Variants in TRAF2 observed in about 807,000 individuals in gnomAD.
TRAF2 encodes the protein TNF receptor-associated factor 2.
TRAF2 carries 6 observed loss-of-function variants against 55.6 expected under a neutral mutation model. The observed-to-expected ratio is 0.11, with a 90% CI of 0.06 to 0.21. The LOEUF (loss-of-function observed/expected upper bound fraction) is 0.21. Ranked by LOEUF, TRAF2 falls within the 10% of genes least tolerant of loss-of-function variation. The probability of loss-of-function intolerance (pLI) is 1.00; values close to 1 mark genes in which losing one functional copy is unlikely to be tolerated. For missense variants in TRAF2, 561 were observed against 684.5 expected (o/e 0.82, Z 2.01); for synonymous variants, 329 against 276.3 (o/e 1.19, Z -1.89).
intron 7 of TRAF2, among the ~76,000 whole-genome samples, chr9:136,919,295 C>CTT (rs34390498): frequency 0.66 from 59,222 of 90,074 alleles, 20,820 homozygotes; most frequent in African/African-American, 0.77. Context: ...TTGTGGGTGG[C>CTT]TTTTTTTTTT....
At chr9:136,909,065 T>A (rs564979096) in intron 5 of TRAF2, among the ~76,000 whole-genome samples, 161 of 151,912 alleles carry the variant, frequency 1.1e-3, no homozygotes, top group African/African-American at 3.4e-3. Context: ...AAAAAATTTT[T>A]AAAAAAAGTT....
At chr9:136,902,430 C>G (rs1372741996) in intron 4 of TRAF2, 1 of 152,378 alleles carries the variant, frequency 6.6e-6, no homozygotes, top group Non-Finnish European at 1.5e-5. Flanking sequence ...GCACTGGACC[C>G]TGAGTCCTCT....
At chr9:136,915,794 TTTTG>T (rs1423408736) in intron 6 of TRAF2, among the ~76,000 whole-genome samples, 2 of 152,086 alleles carry the variant, frequency 1.3e-5, no homozygotes, top group South Asian at 4.1e-4. Context: ...TGTTTTTGGT[TTTTG>T]TTTGTTTTGG....
chr9:136,892,381 G>A (rs1218207008), intron 1 of TRAF2, among the ~76,000 whole-genome samples: 7 of 151,078 alleles, frequency 4.6e-5, no homozygotes, highest in Non-Finnish European at 8.9e-5. Flanking sequence ...GGAGAATGGC[G>A]TGAACCTGGG....
intron 1 of TRAF2, among the ~76,000 whole-genome samples, chr9:136,889,927 C>A (rs537344448): frequency 6.6e-6 from 1 of 152,152 alleles, no homozygotes; most frequent in African/African-American, 2.4e-5. Flanking sequence ...CATGCTTGTT[C>A]AGCTCGTCAC....
intron 6 of TRAF2, 141 bp downstream of exon 6, chr9:136,910,135 A>G (rs981742497): frequency 7.5e-6 from 7 of 929,000 alleles, no homozygotes; most frequent in East Asian, 2.6e-5. Flanking sequence ...ACGTTGGGTC[A>G]TGGATGCGTT....
intron 1 of TRAF2, among the ~76,000 whole-genome samples, chr9:136,891,045 G>A (rs1037966464): frequency 6.6e-6 from 1 of 152,018 alleles, no homozygotes; most frequent in Admixed American, 6.6e-5. Context: ...GGCCTCCTGA[G>A]TAGCTGGGAC....
Position 136,916,630 on chromosome 9 carries a change from CTG to C in TRAF2, c.678+16_678+17del. The C allele has an allele frequency of 6.2e-7, 1 of 1,613,220 alleles. No individual in the cohort carries two copies. The highest frequency in any genetic ancestry group is 1.1e-5 in the South Asian group (1 of 91,062). ...GCCTCGAGACGGTGAGTCGGGGGGT[CTG>C]AGGTTGGGGGCCACCCCTCATCCTG... is the stretch of plus-strand genomic sequence containing the variant. On this transcript the variant is annotated intron_variant, in intron 7 of 10. Coordinates refer to ENST00000247668, the MANE Select transcript of TRAF2 (RefSeq NM_021138.4).
At chr9:136,894,351 G>A (rs1849639288) in intron 1 of TRAF2, among the ~76,000 whole-genome samples, 1 of 151,450 alleles carries the variant, frequency 6.6e-6, no homozygotes, top group African/African-American at 2.4e-5. Context: ...GGCTGGTAGT[G>A]GCCCTTTTTC....
chr9:136,909,897 A>G (rs1448388489), intron 5 of TRAF2, 23 bp from the exon 6 acceptor site: 29 of 1,613,304 alleles, frequency 1.8e-5, no homozygotes, highest in East Asian at 4.5e-5. Context: ...CCACCCTCAC[A>G]CTCCTGATCC....
At chr9:136,900,998 T>C (rs985736212) in intron 4 of TRAF2, among the ~76,000 whole-genome samples, 17 of 152,326 alleles carry the variant, frequency 1.1e-4, no homozygotes, top group African/African-American at 3.1e-4. Context: ...TTATTTTGAA[T>C]TGTGTTGACA....
intron 4 of TRAF2, among the ~76,000 whole-genome samples, chr9:136,907,028 C>T (rs1214370697): frequency 1.3e-5 from 2 of 152,258 alleles, no homozygotes; most frequent in South Asian, 2.1e-4. Context: ...TCAAGACGGT[C>T]GGGGAAGCCC....
At chr9:136,917,197 C>T (rs1564418837) in intron 7 of TRAF2, among the ~76,000 whole-genome samples, 1 of 152,242 alleles carries the variant, frequency 6.6e-6, no homozygotes, top group South Asian at 2.1e-4. Flanking sequence ...CTTTTCCGTT[C>T]TGGCCTGTTC....
At chr9:136,904,598 G>A (rs961606618) in intron 4 of TRAF2, among the ~76,000 whole-genome samples, 1 of 151,876 alleles carries the variant, frequency 6.6e-6, no homozygotes, top group Non-Finnish European at 1.5e-5. Context: ...TAGTAGAGAC[G>A]GGGTTTCACT....
chr9:136,887,104 G>A (rs889086704), intron 1 of TRAF2, among the ~76,000 whole-genome samples: 1 of 152,218 alleles, frequency 6.6e-6, no homozygotes, highest in African/African-American at 2.4e-5. Flanking sequence ...CCAGTGGCTG[G>A]GGAGACCCAG....
chr9:136,899,551 T>C, intron 2 of TRAF2, 43 bp from the exon 3 acceptor site: 5 of 1,573,682 alleles, frequency 3.2e-6, no homozygotes, highest in Non-Finnish European at 4.3e-6. Context: ...TTTTTTGCAT[T>C]AGGTTTCACA....
chr9:136,892,418 C>A (rs537875807), intron 1 of TRAF2, among the ~76,000 whole-genome samples: 1 of 151,844 alleles, frequency 6.6e-6, no homozygotes, highest in Non-Finnish European at 1.5e-5. Flanking sequence ...GAGCCAAGAT[C>A]GCGCCACTGC....
At chr9:136,909,333 G>A (rs1354110810) in intron 5 of TRAF2, among the ~76,000 whole-genome samples, 2 of 146,972 alleles carry the variant, frequency 1.4e-5, no homozygotes, top group South Asian at 2.2e-4. Flanking sequence ...TCTGAATCAC[G>A]ATCCATACAG....
chr9:136,896,430 G>A (rs1005080862), intron 1 of TRAF2, among the ~76,000 whole-genome samples: 5 of 152,226 alleles, frequency 3.3e-5, no homozygotes, highest in African/African-American at 9.6e-5. Context: ...TTTCTCATCC[G>A]CAGCTTCCTG....
Sources: allele counts gnomAD v4.1 joint callset (sites outside exome capture counted in the v4.1 genomes callset), GRCh38; gene constraint gnomAD v4.1.1; transcripts MANE v1.5; gene names NCBI Gene and HGNC (gene_info 2026-07-23, HGNC 2026-07-21).